Variants in EHBP1 observed in about 807,000 individuals in gnomAD.
EHBP1 encodes the protein EH domain binding protein 1.
In EHBP1, 55 loss-of-function variants were observed where a neutral mutation model predicts 144.0. That is an observed-to-expected ratio of 0.38 (90% CI 0.31 to 0.48). The LOEUF (loss-of-function observed/expected upper bound fraction) is 0.48, where lower values mean the gene tolerates loss of function less well. Among genes scored for constraint, EHBP1 ranks in the 20% least tolerant of loss-of-function variants. EHBP1 has a pLI of 0.98. For synonymous variants in EHBP1, 469 were observed against 472.7 expected (o/e 0.99, Z 0.10); for missense variants, 1,200 against 1,364.2 (o/e 0.88, Z 1.90).
intron 3 of EHBP1, among the ~76,000 whole-genome samples, chr2:62,753,522 G>C (rs2039961173): frequency 6.6e-6 from 1 of 152,062 alleles, no homozygotes; most frequent in South Asian, 2.1e-4. Flanking sequence ...GGCGTTCTCT[G>C]TATTTCCTGA....
At position 63,014,670 on chromosome 2, in the gene EHBP1, A is replaced by C. The variant is rs142338828; in HGVS notation, c.3103+17904A>C. 8.5e-3 allele frequency among the ~76,000 whole-genome samples: 1,298 copies of C among 152,336 alleles called. 10 individuals carry two copies. Among genetic ancestry groups the C allele is most frequent in the Middle Eastern group, 0.017 (5 of 294 alleles). ...AGAAGAAAAAACCAAAACTGGGTAC[A>C]TTTTTATATATAAAGATATTTGAAC... On this transcript the variant is annotated intron_variant, in intron 19 of 22. Transcript: ENST00000431489.
chr2:62,940,062 GA>G, intron 10 of EHBP1: 1 of 423,642 alleles, frequency 2.4e-6, no homozygotes, highest in Non-Finnish European at 4.7e-6. Context: ...AGGCACAAAG[GA>G]AAAGAATCTC....
At chr2:62,958,685 CATCTTT>C (rs2057843282) in intron 14 of EHBP1, among the ~76,000 whole-genome samples, 1 of 152,140 alleles carries the variant, frequency 6.6e-6, no homozygotes, top group African/African-American at 2.4e-5. Context: ...ATGTAAATTA[CATCTTT>C]ATCTTTTTAA....
intron 14 of EHBP1, among the ~76,000 whole-genome samples, chr2:62,976,738 C>T (rs545390763): frequency 2.0e-5 from 3 of 152,294 alleles, no homozygotes; most frequent in South Asian, 4.1e-4. Context: ...TCTGACCTCA[C>T]ATCCTAGTAT....
chr2:62,842,332 C>G (rs2047959806), intron 7 of EHBP1, among the ~76,000 whole-genome samples: 1 of 152,120 alleles, frequency 6.6e-6, no homozygotes, highest in African/African-American at 2.4e-5. Context: ...GGAGATCCGC[C>G]CGCTTTCCTC....
At chr2:62,842,010 A>T (rs1264113408) in intron 7 of EHBP1, among the ~76,000 whole-genome samples, 1 of 152,140 alleles carries the variant, frequency 6.6e-6, no homozygotes, top group Non-Finnish European at 1.5e-5. Context: ...GTTCCATGTA[A>T]TGGTGCCCTG....
At chr2:62,971,487 A>G (rs776835864) in intron 14 of EHBP1, among the ~76,000 whole-genome samples, 3 of 152,218 alleles carry the variant, frequency 2.0e-5, no homozygotes, top group Non-Finnish European at 4.4e-5. Context: ...GCCCAAGTAT[A>G]CATAAAGAAC....
rs184137157 is a variant in EHBP1, at chr2:62,676,571, G to A, written c.-296+2488G>A. ...TTTGACACACCAGCCATGATCCTGC[G>A]GGACTGTGTAGCTGGGAAATTCCCA... On this transcript the variant is annotated intron_variant, in intron 1 of 22. Coordinates refer to the EHBP1 transcript ENST00000405015. 2.4e-4 allele frequency among the ~76,000 whole-genome samples: 37 copies of A among 152,290 alleles called. No homozygotes were observed. The East Asian group carries it at 3.5e-3, about 14-fold the overall frequency.
chr2:62,756,303 A>G (rs930264940), intron 3 of EHBP1, among the ~76,000 whole-genome samples: 1 of 152,218 alleles, frequency 6.6e-6, no homozygotes, highest in Non-Finnish European at 1.5e-5. Context: ...TTCATAGAAT[A>G]TAGTATTTTG....
chr2:62,723,885 C>G (rs1246498091), intron 2 of EHBP1, among the ~76,000 whole-genome samples: 1 of 152,116 alleles, frequency 6.6e-6, no homozygotes, highest in African/African-American at 2.4e-5. Context: ...TGTAGATGAC[C>G]TGACCTTTCT....
At chr2:62,893,752 G>C (rs1301728509) in intron 10 of EHBP1, among the ~76,000 whole-genome samples, 1 of 152,020 alleles carries the variant, frequency 6.6e-6, no homozygotes, top group Non-Finnish European at 1.5e-5. Context: ...AAACACTTAA[G>C]ATGTATTAAG....
chr2:62,904,136 A>G (rs1267836062), intron 10 of EHBP1, among the ~76,000 whole-genome samples: 2 of 152,238 alleles, frequency 1.3e-5, no homozygotes, highest in South Asian at 2.1e-4. Flanking sequence ...ACTGTGGTAT[A>G]TGGAAAGTGG....
chr2:62,798,786 C>T (rs1377796489), intron 5 of EHBP1, among the ~76,000 whole-genome samples: 7 of 151,692 alleles, frequency 4.6e-5, no homozygotes, highest in East Asian at 3.9e-4. Context: ...GGGCGGATCG[C>T]GAGGTCAGGA....
chr2:62,771,691 G>A (rs2041675179), intron 5 of EHBP1: 1 of 157,226 alleles, frequency 6.4e-6, no homozygotes. Flanking sequence ...TGGGGTTTAA[G>A]GGCAAGCCCA....
At position 62,948,960 on chromosome 2, in the gene EHBP1, C is replaced by T; in HGVS notation, c.2114C>T (p.Ser705Phe). Residue 705 changes from serine to phenylalanine, a missense_variant, in exon 13 of 23, where the codon TCC becomes TTC. By Grantham distance (155) the Ser-to-Phe change is radical. This residue lies in a region of EHBP1 where 543 missense variants were observed against 513.1 expected (regional missense o/e 1.06). Transcript: ENST00000431489. Reference protein sequence around the residue: ...SNLEKEKLENSRSLECRSDPE... With the variant: ...SNLEKEKLENFRSLECRSDPE... ...TTGGAGAAAGAAAAATTAGAGAATTCCAGATCCTTAGAATGCAGATCAGAT... is the reference window on the plus strand; with the variant it reads ...TTGGAGAAAGAAAAATTAGAGAATTTCAGATCCTTAGAATGCAGATCAGAT... The T allele has an allele frequency of 1.2e-6, 2 of 1,613,958 alleles. No homozygotes were observed. The highest frequency in any genetic ancestry group is 1.7e-6 in the Non-Finnish European group (2 of 1,179,946).
chr2:62,747,286 C>A, intron 2 of EHBP1, 109 bp from the exon 3 acceptor site: 1 of 852,508 alleles, frequency 1.2e-6, no homozygotes, highest in Non-Finnish European at 1.8e-6. Context: ...GTAACAGTAG[C>A]TGCTTTATGT....
At chr2:62,868,680 G>C (rs997833532) in intron 9 of EHBP1, among the ~76,000 whole-genome samples, 1 of 152,116 alleles carries the variant, frequency 6.6e-6, no homozygotes, top group African/African-American at 2.4e-5. Context: ...AGGTGCAGTG[G>C]TTCATGCCTG....
intron 2 of EHBP1, among the ~76,000 whole-genome samples, chr2:62,727,701 A>G (rs1046465709): frequency 2.6e-5 from 4 of 152,182 alleles, no homozygotes; most frequent in Non-Finnish European, 5.9e-5. Context: ...TCATCAGTTG[A>G]TGAACATTTG....
At chr2:62,842,074 C>G (rs2047929665) in intron 7 of EHBP1, among the ~76,000 whole-genome samples, 2 of 151,952 alleles carry the variant, frequency 1.3e-5, no homozygotes, top group African/African-American at 4.8e-5. Context: ...GACCAAGGGA[C>G]AAACTTGCTC....
Sources: gnomAD v4.1 joint callset for allele counts (sites outside exome capture counted in the v4.1 genomes callset) on GRCh38, gnomAD v4.1.1 for gene constraint, gnomAD v4.1.1 regional missense constraint, MANE v1.5 for transcripts, NCBI Gene and HGNC (gene_info 2026-07-23, HGNC 2026-07-21) for gene names.